TUBGCP3: variants seen among roughly 807,000 people sequenced by gnomAD.
TUBGCP3 encodes gamma-tubulin complex component 3.
In TUBGCP3, 50 loss-of-function variants were observed where a neutral mutation model predicts 123.1. The observed-to-expected ratio is 0.41, with a 90% CI of 0.32 to 0.51. TUBGCP3 has a LOEUF of 0.51. TUBGCP3 is among the 20% of genes least tolerant of loss of function. TUBGCP3 has a pLI of 0.36. For synonymous variants in TUBGCP3, 405 were observed against 413.9 expected (o/e 0.98, Z 0.26); for missense variants, 882 against 1,127.0 (o/e 0.78, Z 3.11).
In TUBGCP3 at chr13:112,588,061, C is replaced by T; in HGVS notation, c.-81G>A. The T allele has an allele frequency of 3.3e-6, 4 of 1,214,872 alleles. No homozygotes were observed. The highest frequency in any genetic ancestry group is 4.3e-6 in the Non-Finnish European group (4 of 933,862). 75.3% of individuals were successfully genotyped at this position (1,214,872 alleles called of 1,614,324 possible). A position where few individuals can be genotyped will look rare whatever the true frequency, so the allele number is the denominator to read the frequency against. ...CGCAGGGACCGCGGCCCGCGCCCTT[C>T]CTGCGCCCCGCAAGCTCCCTGCTCC... On this transcript the variant is annotated 5_prime_UTR_variant, in exon 1 of 22. Transcript: ENST00000261965.
chr13:112,537,502 C>A (rs1221756512), intron 11 of TUBGCP3, among the ~76,000 whole-genome samples: 1 of 152,124 alleles, frequency 6.6e-6, no homozygotes, highest in Non-Finnish European at 1.5e-5. Context: ...TTCCACTTGG[C>A]CATTGTGTAC....
intron 11 of TUBGCP3, among the ~76,000 whole-genome samples, chr13:112,538,936 G>A (rs1203797829): frequency 6.6e-6 from 1 of 151,936 alleles, no homozygotes; most frequent in Admixed American, 6.6e-5. Flanking sequence ...AAATTCTTAG[G>A]GTAAAGATGT....
rs545514301 is a variant in TUBGCP3 at position 112,522,016 on chromosome 13, A to C, written c.1745+304T>G. Among the ~76,000 whole-genome samples the C allele has an allele frequency of 1.1e-4, 17 of 152,356 alleles. No homozygotes were observed. In the South Asian group the frequency reaches 3.3e-3, roughly 30 times the overall value. ...CAGCTTTATTTCAAACTCAAGCTAA[A>C]GTTAAGTGTGATTTGACCAACTCCT... is the stretch of plus-strand genomic sequence containing the variant. On this transcript the variant is annotated intron_variant, in intron 14 of 21. Transcript: ENST00000261965.
chr13:112,510,793 C>T (rs1167582140), intron 17 of TUBGCP3, among the ~76,000 whole-genome samples: 1 of 152,212 alleles, frequency 6.6e-6, no homozygotes, highest in African/African-American at 2.4e-5. Context: ...GGCAATGTAG[C>T]TCTAGCACCA....
At chr13:112,492,577 G>A (rs1033261849) in intron 20 of TUBGCP3, among the ~76,000 whole-genome samples, 6 of 149,162 alleles carry the variant, frequency 4.0e-5, no homozygotes, top group Non-Finnish European at 8.8e-5. Flanking sequence ...GGCCTGGTGT[G>A]TCTGAGACAC....
At chr13:112,514,869 A>AAAAAT (rs1875960370) in intron 17 of TUBGCP3, among the ~76,000 whole-genome samples, 1 of 152,230 alleles carries the variant, frequency 6.6e-6, no homozygotes, top group African/African-American at 2.4e-5. Flanking sequence ...TATATCGGCA[A>AAAAAT]AAAATTGGAG....
chr13:112,559,276 C>A (rs1225879287), intron 4 of TUBGCP3, 46 bp downstream of exon 4: 2 of 1,536,038 alleles, frequency 1.3e-6, no homozygotes, highest in Non-Finnish European at 8.9e-7. Context: ...CAAAGTCAGC[C>A]AGGGTGTCCC....
At chr13:112,540,252 C>G (rs1222552065) in intron 11 of TUBGCP3, among the ~76,000 whole-genome samples, 24 of 137,844 alleles carry the variant, frequency 1.7e-4, no homozygotes, top group Non-Finnish European at 3.3e-4. Flanking sequence ...GGAAAGGATA[C>G]CTGGGAGTGA....
At chr13:112,495,715 C>T (rs1228874151) in intron 20 of TUBGCP3, among the ~76,000 whole-genome samples, 1 of 152,190 alleles carries the variant, frequency 6.6e-6, no homozygotes, top group Non-Finnish European at 1.5e-5. Flanking sequence ...AAAAGCTAAA[C>T]TACCCAAATG....
rs990436557 is a variant in TUBGCP3, at chr13:112,505,635, G to A, written c.2087-921C>T. ...AGATCAACTGACACCTTGCAGTTTT[G>A]CTCTCTTGGTTTAACACATGACAGC... On this transcript the variant is annotated intron_variant, in intron 17 of 21. Transcript: ENST00000261965. Among the ~76,000 whole-genome samples, 5 of 152,352 alleles carry A rather than the reference G, an allele frequency of 3.3e-5. No homozygotes were observed. In the South Asian group the frequency reaches 1.0e-3, roughly 32 times the overall value.
chr13:112,578,277 C>T (rs973134625), intron 1 of TUBGCP3, among the ~76,000 whole-genome samples: 4 of 152,074 alleles, frequency 2.6e-5, no homozygotes, highest in African/African-American at 7.2e-5. Flanking sequence ...AACCTGCTCT[C>T]GGCCGGGCGC....
chr13:112,554,848 C>T (rs1438898954), intron 7 of TUBGCP3, 39 bp downstream of exon 7: 3 of 1,447,334 alleles, frequency 2.1e-6, no homozygotes, highest in Admixed American at 2.0e-5. Flanking sequence ...CATGTTTTTT[C>T]TTTCTGAATA....
intron 1 of TUBGCP3, among the ~76,000 whole-genome samples, chr13:112,576,759 A>G (rs1881846931): frequency 6.6e-6 from 1 of 152,202 alleles, no homozygotes; most frequent in Non-Finnish European, 1.5e-5. Flanking sequence ...ATGTGGCTAA[A>G]ACAGTCCTTA....
intron 11 of TUBGCP3, among the ~76,000 whole-genome samples, chr13:112,531,680 G>A (rs1261919174): frequency 6.6e-6 from 1 of 152,170 alleles, no homozygotes; most frequent in Non-Finnish European, 1.5e-5. Context: ...GGCATGTTTA[G>A]AAGTTATGAA....
the TUBGCP3 span, among the ~76,000 whole-genome samples, chr13:112,598,709 C>T: frequency 8.5e-5 from 13 of 152,050 alleles, no homozygotes; most frequent in African/African-American, 2.9e-4. Context: ...CTTTGGGAGG[C>T]TGAGGTGGGC....
At chr13:112,539,152 A>G (rs1449997708) in intron 11 of TUBGCP3, among the ~76,000 whole-genome samples, 9 of 152,242 alleles carry the variant, frequency 5.9e-5, no homozygotes, top group Non-Finnish European at 1.2e-4. Context: ...TACGCTATAC[A>G]CTTCCTATTG....
rs1446021547 is a variant in TUBGCP3, at chr13:112,526,930, G to A, written c.1555+12C>T. Reference sequence around the variant, plus strand: ...CATTGCCATCATCACCACCCCACCAGCATCATCATACCGTCCTGGGGTGAC... The same window carrying A: ...CATTGCCATCATCACCACCCCACCAACATCATCATACCGTCCTGGGGTGAC... On this transcript the variant is annotated intron_variant, in intron 13 of 21. Transcript: ENST00000261965. 2 of 1,586,150 alleles carry A rather than the reference G, an allele frequency of 1.3e-6. No individual in the cohort carries two copies. Among genetic ancestry groups the A allele is most frequent in the Non-Finnish European group, 1.7e-6 (2 of 1,155,402 alleles).
chr13:112,574,044 C>T (rs1006035075), intron 1 of TUBGCP3, among the ~76,000 whole-genome samples: 2 of 151,648 alleles, frequency 1.3e-5, no homozygotes, highest in African/African-American at 4.8e-5. Context: ...TGTGGCTTCC[C>T]CTGCCCAATC....
chr13:112,600,407 T>C, the TUBGCP3 span, among the ~76,000 whole-genome samples: 15 of 152,222 alleles, frequency 9.9e-5, no homozygotes, highest in African/African-American at 3.6e-4. Flanking sequence ...AATTAATTTA[T>C]AAATTTATAC....
Sources: gnomAD v4.1 joint callset for allele counts (sites outside exome capture counted in the v4.1 genomes callset) on GRCh38, gnomAD v4.1.1 for gene constraint, MANE v1.5 for transcripts, NCBI Gene and HGNC (gene_info 2026-07-23, HGNC 2026-07-21) for gene names.